Variants in SF3B3 observed in about 807,000 individuals in gnomAD.
SF3B3 encodes SAP 130.
In SF3B3, 33 loss-of-function variants were observed where a neutral mutation model predicts 139.2. That is an observed-to-expected ratio of 0.24 (90% CI 0.18 to 0.32). The LOEUF (loss-of-function observed/expected upper bound fraction) is 0.32, where lower values mean the gene tolerates loss of function less well. SF3B3 is among the 10% of genes least tolerant of loss of function. The pLI, the probability that SF3B3 is intolerant of heterozygous loss-of-function variation, is 1.00. For synonymous variants in SF3B3, 596 were observed against 563.6 expected (o/e 1.06, Z -0.81); for missense variants, 818 against 1,509.4 (o/e 0.54, Z 7.59).
At position 70,571,953 on chromosome 16, in the gene SF3B3, C is replaced by T. The variant is rs1305594417; in HGVS notation, c.*140C>T. 2 of 1,015,216 alleles carry T rather than the reference C, an allele frequency of 2.0e-6. No individual in the cohort carries two copies. Among genetic ancestry groups the T allele is most frequent in the Non-Finnish European group, 2.9e-6 (2 of 687,692 alleles). 62.9% of individuals were successfully genotyped at this position (1,015,216 alleles called of 1,614,324 possible). A position where few individuals can be genotyped will look rare whatever the true frequency, so the allele number is the denominator to read the frequency against. On this transcript the variant is annotated 3_prime_UTR_variant, in exon 26 of 26. Transcript: ENST00000302516. ...CATTATGAAAGTCAACAGCTCTTTC[C>T]CCTCAGCTCTTCTCCTGGAATGACT...
At position 70,528,988 on chromosome 16, in the gene SF3B3, C is replaced by T. The variant is rs890704749; in HGVS notation, c.186C>T (p.Ile62=). ...TLLTVEVFGV[I]RSLMAFRLTG... ...TCACTGTGGAAGTATTCGGTGTTAT[C>T]CGGTCACTCATGGCCTTTAGGCTGA... Residue 62 remains isoleucine, a synonymous_variant, in exon 3 of 26, where the codon ATC becomes ATT. Coordinates refer to ENST00000302516, the MANE Select transcript of SF3B3 (RefSeq NM_012426.5). 3 of 1,614,152 alleles carry T rather than the reference C, an allele frequency of 1.9e-6. 1 individual carries two copies. The South Asian group carries it at 3.3e-5, about 18-fold the overall frequency.
chr16:70,558,477 A>G (rs1165672727), intron 15 of SF3B3, among the ~76,000 whole-genome samples: 1 of 152,126 alleles, frequency 6.6e-6, no homozygotes, highest in African/African-American at 2.4e-5. Flanking sequence ...TAGTTAATAT[A>G]AAAATTGCTG....
intron 10 of SF3B3, among the ~76,000 whole-genome samples, chr16:70,546,300 CTTAT>C (rs1399098427): frequency 2.0e-5 from 3 of 152,156 alleles, no homozygotes; most frequent in Admixed American, 6.5e-5. Context: ...TCGTTAGTTA[CTTAT>C]TTCTCATTGG....
chr16:70,549,252 G>T (rs1476518472), intron 11 of SF3B3, among the ~76,000 whole-genome samples: 2 of 152,166 alleles, frequency 1.3e-5, no homozygotes, highest in African/African-American at 4.8e-5. Context: ...TAGATATTCT[G>T]CCTGTATGAA....
chr16:70,563,823 C>G (rs914653099), intron 17 of SF3B3, 53 bp from the exon 18 acceptor site: 4 of 1,557,732 alleles, frequency 2.6e-6, no homozygotes, highest in Non-Finnish European at 3.5e-6. Flanking sequence ...ATTTCAACAC[C>G]AGTTTCTGGG....
Position 70,530,843 on chromosome 16 carries a change from T to G in SF3B3, c.496T>G (p.Leu166Val). The change falls in exon 4 of 26, where the codon TTA becomes GTA. Residue 166 changes from leucine to valine, a missense_variant. Coordinates refer to ENST00000302516, the MANE Select transcript of SF3B3 (RefSeq NM_012426.5). ...SPLEAHKANTLVYHVVGVDVG... is the reference protein window; with the variant it reads ...SPLEAHKANTVVYHVVGVDVG... ...CCTGGAAGCCCACAAAGCAAACACT[T>G]TAGTGTATCATGTAGTTGGAGTAGA... 1 of 1,614,068 alleles carries G rather than the reference T, an allele frequency of 6.2e-7. No homozygotes were observed. Among genetic ancestry groups the G allele is most frequent in the Non-Finnish European group, 8.5e-7 (1 of 1,179,948 alleles).
intron 1 of SF3B3, among the ~76,000 whole-genome samples, chr16:70,525,957 CA>C (rs920550920): frequency 0.025 from 1,059 of 42,242 alleles, 2 homozygotes; most frequent in African/African-American, 0.071. Context: ...TGAGACGCCT[CA>C]AAAAAAAAAA....
intron 5 of SF3B3, 35 bp downstream of exon 5, chr16:70,532,655 ACTTGGTT>A (rs781671105): frequency 7.5e-6 from 12 of 1,608,390 alleles, no homozygotes; most frequent in Non-Finnish European, 1.0e-5. Context: ...GTACCCTTTT[ACTTGGTT>A]CATTTTATGC....
chr16:70,570,338 T>G (rs1202554789), intron 24 of SF3B3, among the ~76,000 whole-genome samples, 189 bp downstream of exon 24: 5 of 148,248 alleles, frequency 3.4e-5, no homozygotes, highest in Non-Finnish European at 7.4e-5. Flanking sequence ...ATTTGGTTTT[T>G]TTTTTTTTTT....
chr16:70,570,406 T>C (rs1051932416), intron 24 of SF3B3, among the ~76,000 whole-genome samples: 1 of 147,920 alleles, frequency 6.8e-6, no homozygotes, highest in Non-Finnish European at 1.5e-5. Flanking sequence ...TCTCAGCTCA[T>C]TGCAAACTCC....
rs574800216 is a variant in SF3B3, at chr16:70,534,651, CTTTATTTTATT to C, written c.713-644_713-634del. On this transcript the variant is annotated intron_variant, in intron 5 of 25. Coordinates refer to ENST00000302516, the MANE Select transcript of SF3B3 (RefSeq NM_012426.5). Reference sequence around the variant, plus strand: ...GAGTTTGTTTATGAACATGCTGTTACTTTATTTTATTTTTATTTTATTTATTTACGTTCTTG... The same window carrying C: ...GAGTTTGTTTATGAACATGCTGTTACTTTATTTTATTTATTTACGTTCTTG... Among the ~76,000 whole-genome samples, 27 of 152,160 alleles carry C rather than the reference CTTTATTTTATT, an allele frequency of 1.8e-4. No individual in the cohort carries two copies. In the East Asian group the frequency reaches 5.0e-3, roughly 28 times the overall value.
At position 70,572,185 on chromosome 16, in the gene SF3B3, T is replaced by C. The variant is rs2050535822; in HGVS notation, c.*372T>C. The stretch of plus-strand genomic sequence containing the variant: ...GTAAATACAGTTTTGTACAATGTTA[T>C]CTCTGTGGGAGGAAGGAGGCAGGCT... On this transcript the variant is annotated 3_prime_UTR_variant, in exon 26 of 26. Coordinates refer to ENST00000302516, the MANE Select transcript of SF3B3 (RefSeq NM_012426.5). 1 of 462,222 alleles carries C rather than the reference T, an allele frequency of 2.2e-6. No individual in the cohort carries two copies. Among genetic ancestry groups the C allele is most frequent in the Non-Finnish European group, 4.3e-6 (1 of 231,028 alleles). 28.6% of individuals were successfully genotyped at this position (462,222 alleles called of 1,614,324 possible). A position where few individuals can be genotyped will look rare whatever the true frequency, so the allele number is the denominator to read the frequency against.
At chr16:70,549,585 GTTCT>G (rs1162245748) in intron 11 of SF3B3, among the ~76,000 whole-genome samples, 1 of 152,098 alleles carries the variant, frequency 6.6e-6, no homozygotes, top group East Asian at 1.9e-4. Context: ...AACCTATTGT[GTTCT>G]TTCTTTTTTT....
Position 70,571,898 on chromosome 16 carries a change from G to A in SF3B3, c.*85G>A. ...CACTGCCACCTGGCTTCTGCCATGT[G>A]GCAGGAGGGTGACTGGATAATTAAG... On this transcript the variant is annotated 3_prime_UTR_variant, in exon 26 of 26. Coordinates refer to ENST00000302516, the MANE Select transcript of SF3B3 (RefSeq NM_012426.5). 6.7e-7 allele frequency: 1 copy of A among 1,482,274 alleles called. No homozygotes were observed. Among genetic ancestry groups the A allele is most frequent in the African/African-American group, 1.4e-5 (1 of 71,042 alleles). The allele number at this position is 1,482,274 out of a possible 1,614,324, so 91.8% of individuals were successfully genotyped here. A position where few individuals can be genotyped will look rare whatever the true frequency, so the allele number is the denominator to read the frequency against.
chr16:70,536,684 G>T (rs556978344), intron 6 of SF3B3, among the ~76,000 whole-genome samples: 1 of 151,690 alleles, frequency 6.6e-6, no homozygotes, highest in African/African-American at 2.4e-5. Flanking sequence ...ATAGAGACGG[G>T]GTTTGCCATG....
chr16:70,537,483 C>G (rs970063471), intron 6 of SF3B3, among the ~76,000 whole-genome samples: 1 of 152,200 alleles, frequency 6.6e-6, no homozygotes, highest in African/African-American at 2.4e-5. Context: ...ACTGCCATCT[C>G]TCCCCTCAAT....
chr16:70,548,301 G>T, intron 10 of SF3B3, 69 bp from the exon 11 acceptor site: 3 of 1,258,386 alleles, frequency 2.4e-6, no homozygotes, highest in East Asian at 2.3e-5. Flanking sequence ...CTTATTTTTT[G>T]ATGTGATTGT....
At chr16:70,532,661 T>C in intron 5 of SF3B3, 41 bp downstream of exon 5, 1 of 1,601,194 alleles carries the variant, frequency 6.2e-7, no homozygotes, top group Non-Finnish European at 8.6e-7. Context: ...TTTTACTTGG[T>C]TCATTTTATG....
At chr16:70,542,948 A>G (rs548321638) in intron 9 of SF3B3, among the ~76,000 whole-genome samples, 32 of 151,940 alleles carry the variant, frequency 2.1e-4, no homozygotes, top group African/African-American at 7.2e-4. Context: ...TGGTCTCGAT[A>G]TTCTGACCTC....
Sources: gnomAD v4.1 joint callset for allele counts (sites outside exome capture counted in the v4.1 genomes callset) on GRCh38, gnomAD v4.1.1 for gene constraint, MANE v1.5 for transcripts, NCBI Gene and HGNC (gene_info 2026-07-23, HGNC 2026-07-21) for gene names.